Variants in FBXL7 observed in about 807,000 individuals in gnomAD.
FBXL7 encodes the protein F-box and leucine rich repeat protein 7.
Under a neutral mutation model 38.3 loss-of-function variants are expected in FBXL7, and 12 were observed. That is an observed-to-expected ratio of 0.31 (90% CI 0.20 to 0.51). The LOEUF (loss-of-function observed/expected upper bound fraction) is 0.51, where lower values mean the gene tolerates loss of function less well. Among genes scored for constraint, FBXL7 ranks in the 20% least tolerant of loss-of-function variants. The probability of loss-of-function intolerance (pLI) is 0.98; values close to 1 mark genes in which losing one functional copy is unlikely to be tolerated. For synonymous variants in FBXL7, 297 were observed against 300.9 expected (o/e 0.99, Z 0.13); for missense variants, 567 against 676.4 (o/e 0.84, Z 1.79).
chr5:15,700,926 A>C (rs1743500673), intron 2 of FBXL7, among the ~76,000 whole-genome samples: 1 of 152,108 alleles, frequency 6.6e-6, no homozygotes, highest in African/African-American at 2.4e-5. Context: ...TGATATTCTT[A>C]AGTCGGGTAC....
At chr5:15,624,436 C>T (rs79905813) in intron 2 of FBXL7, among the ~76,000 whole-genome samples, 4 of 152,290 alleles carry the variant, frequency 2.6e-5, no homozygotes, top group East Asian at 3.9e-4. Flanking sequence ...AGCATTTACC[C>T]GAAGATAACT....
At chr5:15,763,437 C>G (rs1244359453) in intron 2 of FBXL7, among the ~76,000 whole-genome samples, 4 of 152,264 alleles carry the variant, frequency 2.6e-5, no homozygotes, top group Non-Finnish European at 4.4e-5. Flanking sequence ...AAATTTGGCT[C>G]TCTTTTTGGA....
At chr5:15,932,123 A>C (rs555932796) in intron 3 of FBXL7, among the ~76,000 whole-genome samples, 1 of 152,332 alleles carries the variant, frequency 6.6e-6, no homozygotes, top group African/African-American at 2.4e-5. Flanking sequence ...AAAGGCTTAA[A>C]GTTCCCTTTG....
intron 2 of FBXL7, among the ~76,000 whole-genome samples, chr5:15,861,508 G>A (rs1471475356): frequency 6.6e-6 from 1 of 152,202 alleles, no homozygotes; most frequent in Non-Finnish European, 1.5e-5. Flanking sequence ...TACTGACTCA[G>A]TGGGAAACTA....
At chr5:15,509,381 A>G (rs1736732398) in intron 1 of FBXL7, among the ~76,000 whole-genome samples, 1 of 152,156 alleles carries the variant, frequency 6.6e-6, no homozygotes, top group Non-Finnish European at 1.5e-5. Context: ...TTCAGAGTCT[A>G]ATTGAGAAGC....
intron 2 of FBXL7, among the ~76,000 whole-genome samples, chr5:15,846,627 A>AT (rs1738911802): frequency 6.6e-6 from 1 of 152,202 alleles, no homozygotes; most frequent in Non-Finnish European, 1.5e-5. Flanking sequence ...GTCCCTAGTT[A>AT]TACAGGTTGT....
At chr5:15,625,889 A>C (rs1157277293) in intron 2 of FBXL7, among the ~76,000 whole-genome samples, 1 of 152,190 alleles carries the variant, frequency 6.6e-6, no homozygotes, top group African/African-American at 2.4e-5. Flanking sequence ...AATAGGAATA[A>C]AAAGCAAAGA....
intron 2 of FBXL7, among the ~76,000 whole-genome samples, chr5:15,730,732 A>G (rs1271454522): frequency 1.3e-5 from 2 of 152,226 alleles, no homozygotes; most frequent in Non-Finnish European, 2.9e-5. Flanking sequence ...TCTAGGGCAT[A>G]TTGCCATGCA....
chr5:15,669,420 C>T (rs1742392459), intron 2 of FBXL7, among the ~76,000 whole-genome samples: 1 of 152,096 alleles, frequency 6.6e-6, no homozygotes, highest in Non-Finnish European at 1.5e-5. Flanking sequence ...TGCATTTATC[C>T]CAGAGTTGTG....
At chr5:15,692,649 C>T (rs1561087902) in intron 2 of FBXL7, among the ~76,000 whole-genome samples, 1 of 152,144 alleles carries the variant, frequency 6.6e-6, no homozygotes, top group Admixed American at 6.5e-5. Context: ...CCGAAATGGC[C>T]ATCAGGCTGC....
intron 2 of FBXL7, among the ~76,000 whole-genome samples, chr5:15,657,304 G>A (rs1431411556): frequency 6.6e-6 from 1 of 150,592 alleles, no homozygotes; most frequent in East Asian, 1.9e-4. Context: ...GGCAACTTTA[G>A]TAGGCTGTTT....
chr5:15,506,160 G>T (rs1010891059), intron 1 of FBXL7, among the ~76,000 whole-genome samples: 2 of 150,836 alleles, frequency 1.3e-5, no homozygotes, highest in Admixed American at 6.6e-5. Flanking sequence ...AAAGGAAGCC[G>T]TTTATGACTT....
chr5:15,660,606 T>C (rs530778796), intron 2 of FBXL7, among the ~76,000 whole-genome samples: 1 of 152,210 alleles, frequency 6.6e-6, no homozygotes, highest in Admixed American at 6.5e-5. Flanking sequence ...GATCTGCCCG[T>C]CTTGGCCTCT....
In FBXL7 at chr5:15,734,531, G is replaced by T. The variant is rs552808501; in HGVS notation, c.127+118459G>T. Among the ~76,000 whole-genome samples, 5 of 152,292 alleles carry T rather than the reference G, an allele frequency of 3.3e-5. No individual in the cohort carries two copies. The South Asian group carries it at 1.0e-3, about 32-fold the overall frequency. Reference sequence around the variant, plus strand: ...TAACAAATGGGAAAGATTCTCCCAAGGCCTGTCTCAGGCAAACCATCAGTT... The same window carrying T: ...TAACAAATGGGAAAGATTCTCCCAATGCCTGTCTCAGGCAAACCATCAGTT... On this transcript the variant is annotated intron_variant, in intron 2 of 3. Coordinates refer to ENST00000504595, the MANE Select transcript of FBXL7 (RefSeq NM_012304.5).
intron 2 of FBXL7, among the ~76,000 whole-genome samples, chr5:15,904,087 G>A (rs947861973): frequency 9.9e-5 from 15 of 152,060 alleles, no homozygotes; most frequent in Admixed American, 3.3e-4. Flanking sequence ...CTAAATCTTC[G>A]TAGCTACATT....
intron 1 of FBXL7, among the ~76,000 whole-genome samples, chr5:15,556,788 GAAGT>G (rs1346477255): frequency 6.6e-6 from 1 of 152,132 alleles, no homozygotes. Flanking sequence ...AATAAAAAAG[GAAGT>G]AAGGTATATT....
At chr5:15,542,835 G>A (rs1348735724) in intron 1 of FBXL7, among the ~76,000 whole-genome samples, 1 of 152,128 alleles carries the variant, frequency 6.6e-6, no homozygotes, top group Non-Finnish European at 1.5e-5. Context: ...GTTTTATATT[G>A]ATGTCCCTAT....
intron 2 of FBXL7, among the ~76,000 whole-genome samples, chr5:15,758,400 A>G (rs766946678): frequency 6.6e-6 from 1 of 151,848 alleles, no homozygotes; most frequent in Non-Finnish European, 1.5e-5. Context: ...TTGGGCTTCT[A>G]ATGACCCTGT....
At position 15,928,278 on chromosome 5, in the gene FBXL7, G is replaced by A. The variant is rs1395316718; in HGVS notation, c.516G>A (p.Val172=). The A allele has an allele frequency of 1.2e-6, 2 of 1,612,890 alleles. No individual in the cohort carries two copies. The highest frequency in any genetic ancestry group is 2.2e-5 in the East Asian group (1 of 44,844). Residue 172 remains valine, a synonymous_variant, in exon 3 of 4, where the codon GTG becomes GTA. Transcript: ENST00000504595. The surrounding 1 kb of genome is among the most constrained non-coding windows in gnomAD (Gnocchi z 4.0). ...ETINVDRALK[V]LTRRLCQDTP... Reference sequence around the variant, plus strand: ...TCAACGTGGACCGCGCCCTCAAGGTGCTGACCCGCAGACTCTGCCAGGACA... The same window carrying A: ...TCAACGTGGACCGCGCCCTCAAGGTACTGACCCGCAGACTCTGCCAGGACA...
Sources: gnomAD v4.1 joint callset for allele counts (sites outside exome capture counted in the v4.1 genomes callset) on GRCh38, gnomAD v4.1.1 for gene constraint, Gnocchi (gnomAD v3.1) non-coding constraint, MANE v1.5 for transcripts, NCBI Gene and HGNC (gene_info 2026-07-23, HGNC 2026-07-21) for gene names.